The following CYRIB variants were observed in gnomAD, a reference collection of about 807,000 sequenced individuals.
CYRIB encodes the protein CYFIP-related Rac1 interactor B.
Under a neutral mutation model 44.2 loss-of-function variants are expected in CYRIB, and 8 were observed. The observed-to-expected ratio is 0.18, with a 90% CI of 0.11 to 0.33. The LOEUF (loss-of-function observed/expected upper bound fraction) is 0.33, where lower values mean the gene tolerates loss of function less well. Ranked by LOEUF, CYRIB falls within the 10% of genes least tolerant of loss-of-function variation. CYRIB has a pLI of 1.00. For missense variants in CYRIB, 185 were observed against 382.8 expected (o/e 0.48, Z 4.31); for synonymous variants, 131 against 127.2 (o/e 1.03, Z -0.20).
chr8:129,915,453 G>T (rs781071728), intron 1 of CYRIB, among the ~76,000 whole-genome samples: 13 of 152,128 alleles, frequency 8.5e-5, no homozygotes, highest in Non-Finnish European at 1.3e-4. Flanking sequence ...AACACAGTGA[G>T]ACCCTGTTTC....
At chr8:129,981,290 C>T (rs1456510121) in intron 1 of CYRIB, among the ~76,000 whole-genome samples, 2 of 152,172 alleles carry the variant, frequency 1.3e-5, no homozygotes, top group Admixed American at 1.3e-4. Flanking sequence ...CAGGCACATG[C>T]CACCACGCCT....
chr8:129,939,625 A>C (rs1169269598), exon 1 of CYRIB: 1 of 152,316 alleles, frequency 6.6e-6, no homozygotes, highest in Non-Finnish European at 1.5e-5. Flanking sequence ...TCGAGCCTCC[A>C]GGCGCTCTCA....
intron 1 of CYRIB, chr8:129,939,585 A>G (rs1421730405): frequency 6.6e-6 from 1 of 152,020 alleles, no homozygotes; most frequent in Non-Finnish European, 1.5e-5. Flanking sequence ...AAGAGGGGAA[A>G]ATGGCAAAAA....
intron 2 of CYRIB, among the ~76,000 whole-genome samples, chr8:129,964,766 C>A (rs1167367166): frequency 6.6e-6 from 1 of 152,258 alleles, no homozygotes; most frequent in African/African-American, 2.4e-5. Flanking sequence ...TGCCTGTAGT[C>A]CCAGCTACTC....
At chr8:129,940,141 G>GC (rs1210870320), upstream of CYRIB, among the ~76,000 whole-genome samples, 4 of 152,220 alleles carry the variant, frequency 2.6e-5, no homozygotes, top group African/African-American at 9.6e-5. Context: ...GTACAGATGG[G>GC]AAACGGAGGT....
chr8:129,879,181 A>G (rs1038187730), intron 3 of CYRIB, among the ~76,000 whole-genome samples: 2 of 152,238 alleles, frequency 1.3e-5, no homozygotes, highest in African/African-American at 4.8e-5. Flanking sequence ...GAAATCTCTT[A>G]TAAAAACTCA....
intron 2 of CYRIB, among the ~76,000 whole-genome samples, chr8:129,900,312 C>A (rs1370710955): frequency 6.6e-6 from 1 of 152,152 alleles, no homozygotes; most frequent in Non-Finnish European, 1.5e-5. Context: ...ACCACCACAA[C>A]AAAGGAAACA....
exon 11 of CYRIB, chr8:129,846,833 A>G (rs1465404214): frequency 1.3e-6 from 2 of 1,598,134 alleles, no homozygotes; most frequent in Non-Finnish European, 8.5e-7. Flanking sequence ...CTTCCACACT[A>G]TTAGGAGGTT....
chr8:129,845,445 A>C (rs1030315861), intron 11 of CYRIB, among the ~76,000 whole-genome samples: 1 of 152,080 alleles, frequency 6.6e-6, no homozygotes, highest in Non-Finnish European at 1.5e-5. Flanking sequence ...CGTTGTAAAA[A>C]CCCCAAGAAT....
At chr8:129,938,140 C>T (rs1279854602) in intron 1 of CYRIB, among the ~76,000 whole-genome samples, 1 of 152,050 alleles carries the variant, frequency 6.6e-6, no homozygotes, top group Non-Finnish European at 1.5e-5. Flanking sequence ...AAAGTGCTGT[C>T]ATTTCATTTT....
intron 1 of CYRIB, among the ~76,000 whole-genome samples, chr8:129,998,195 G>A (rs899350392): frequency 2.0e-5 from 3 of 150,044 alleles, no homozygotes; most frequent in East Asian, 1.9e-4. Context: ...TCAGCTCATC[G>A]CAGGACCTCA....
intron 2 of CYRIB, among the ~76,000 whole-genome samples, chr8:129,957,673 A>C (rs1386515160): frequency 6.6e-6 from 1 of 152,260 alleles, no homozygotes; most frequent in Non-Finnish European, 1.5e-5. Context: ...TCTACTAAAA[A>C]TAAAAAAAAT....
At chr8:129,991,599 A>C (rs10104510) in intron 1 of CYRIB, among the ~76,000 whole-genome samples, 8,402 of 151,990 alleles carry the variant, frequency 0.055, 780 homozygotes, top group African/African-American at 0.19. Context: ...CACCAGCAAA[A>C]AGACTCACCA....
intron 1 of CYRIB, among the ~76,000 whole-genome samples, chr8:129,971,627 C>CT (rs2095695652): frequency 6.6e-6 from 1 of 152,164 alleles, no homozygotes; most frequent in South Asian, 2.1e-4. Context: ...GGGGCCAGCG[C>CT]TATCCATGGA....
chr8:129,860,401 A>C (rs1262711563), intron 5 of CYRIB, among the ~76,000 whole-genome samples: 1 of 152,236 alleles, frequency 6.6e-6, no homozygotes, highest in Non-Finnish European at 1.5e-5. Context: ...CAAGACAGAA[A>C]ACCTAGGCTG....
At chr8:129,972,759 C>T (rs922924096) in intron 1 of CYRIB, among the ~76,000 whole-genome samples, 1 of 151,828 alleles carries the variant, frequency 6.6e-6, no homozygotes, top group Non-Finnish European at 1.5e-5. Flanking sequence ...CGCACATGCA[C>T]ACCACACACA....
intron 2 of CYRIB, among the ~76,000 whole-genome samples, chr8:129,967,525 G>T (rs962832174): frequency 6.6e-6 from 1 of 151,880 alleles, no homozygotes; most frequent in East Asian, 1.9e-4. Context: ...GACTACAGGC[G>T]CCTGCCACCA....
At chr8:129,898,085 A>C (rs2069080912) in intron 2 of CYRIB, among the ~76,000 whole-genome samples, 1 of 73,774 alleles carries the variant, frequency 1.4e-5, no homozygotes, top group South Asian at 6.2e-4. Flanking sequence ...ATTTTTTTTA[A>C]GTTTTTTTGT....
chr8:129,992,021 G>A (rs1436900607), intron 1 of CYRIB, among the ~76,000 whole-genome samples: 2 of 146,084 alleles, frequency 1.4e-5, no homozygotes, highest in Admixed American at 7.1e-5. Flanking sequence ...TATGATCCGA[G>A]TAATACTTTT....
Sources: gnomAD v4.1 joint callset for allele counts (sites outside exome capture counted in the v4.1 genomes callset) on GRCh38, gnomAD v4.1.1 for gene constraint, MANE v1.5 for transcripts, NCBI Gene and HGNC (gene_info 2026-07-23, HGNC 2026-07-21) for gene names.